Variants in NTNG1 observed in about 807,000 individuals in gnomAD.
NTNG1 encodes netrin-G1.
NTNG1 carries 16 observed loss-of-function variants against 54.0 expected under a neutral mutation model. That is an observed-to-expected ratio of 0.30 (90% CI 0.20 to 0.45). The LOEUF is 0.45. Ranked by LOEUF, NTNG1 falls within the 20% of genes least tolerant of loss-of-function variation. The pLI, the probability that NTNG1 is intolerant of heterozygous loss-of-function variation, is 1.00. For synonymous variants in NTNG1, 255 were observed against 263.1 expected, an observed-to-expected ratio of 0.97 and a Z score of 0.30; for missense variants, 530 against 678.7, an observed-to-expected ratio of 0.78 and a Z score of 2.43.
intron 5 of NTNG1, among the ~76,000 whole-genome samples, chr1:107,413,042 C>T (rs1487331113): frequency 2.0e-5 from 3 of 152,080 alleles, no homozygotes; most frequent in Non-Finnish European, 2.9e-5. Flanking sequence ...GTAGTTGCTG[C>T]GAAGATGGTA....
intron 2 of NTNG1, among the ~76,000 whole-genome samples, chr1:107,323,307 A>C (rs865818794): frequency 2.6e-5 from 4 of 152,132 alleles, no homozygotes; most frequent in Admixed American, 6.6e-5. Flanking sequence ...GTAACTTGTC[A>C]TTTGCCATGG....
At chr1:107,209,885 AG>A (rs1012356563) in intron 2 of NTNG1, among the ~76,000 whole-genome samples, 2 of 76,480 alleles carry the variant, frequency 2.6e-5, no homozygotes, top group African/African-American at 8.5e-5. Flanking sequence ...CTGTCAATAC[AG>A]ACTTCTTTTT....
intron 2 of NTNG1, among the ~76,000 whole-genome samples, chr1:107,196,288 C>A (rs1348660675): frequency 6.6e-6 from 1 of 151,972 alleles, no homozygotes; most frequent in African/African-American, 2.4e-5. Context: ...TTTACCTAGG[C>A]TCTCTGAGCC....
At chr1:107,221,279 C>T (rs1036645184) in intron 2 of NTNG1, among the ~76,000 whole-genome samples, 2 of 152,042 alleles carry the variant, frequency 1.3e-5, no homozygotes, top group African/African-American at 2.4e-5. Flanking sequence ...TGATGGTACA[C>T]AGCAAATTGC....
At chr1:107,438,037 A>G (rs1675718520) in intron 7 of NTNG1, among the ~76,000 whole-genome samples, 1 of 152,180 alleles carries the variant, frequency 6.6e-6, no homozygotes, top group Non-Finnish European at 1.5e-5. Flanking sequence ...TATATTCTAT[A>G]AAATAAATTC....
At chr1:107,394,927 T>C (rs988901487) in intron 3 of NTNG1, among the ~76,000 whole-genome samples, 1 of 152,120 alleles carries the variant, frequency 6.6e-6, no homozygotes, top group African/African-American at 2.4e-5. Flanking sequence ...CTATTCGGCT[T>C]TCTCAATGTA....
At chr1:107,379,398 G>C (rs1303012841) in intron 3 of NTNG1, among the ~76,000 whole-genome samples, 2 of 152,220 alleles carry the variant, frequency 1.3e-5, no homozygotes, top group East Asian at 3.8e-4. Flanking sequence ...GGGATCAACA[G>C]TGGCCTTCAG....
At chr1:107,355,445 C>T (rs375749335) in intron 3 of NTNG1, among the ~76,000 whole-genome samples, 5 of 151,832 alleles carry the variant, frequency 3.3e-5, no homozygotes, top group African/African-American at 7.3e-5. Context: ...TTCTTCTTTA[C>T]GTTACTTAGG....
At chr1:107,271,388 G>T (rs1477243930) in intron 2 of NTNG1, among the ~76,000 whole-genome samples, 3 of 151,922 alleles carry the variant, frequency 2.0e-5, no homozygotes, top group African/African-American at 7.3e-5. Flanking sequence ...ACCTCTTCAG[G>T]CCTTTATTAC....
chr1:107,415,497 A>C (rs1674136218), intron 5 of NTNG1, among the ~76,000 whole-genome samples: 1 of 152,134 alleles, frequency 6.6e-6, no homozygotes, highest in Admixed American at 6.5e-5. Flanking sequence ...TTCCTGTTTT[A>C]CAGATAAGGA....
At chr1:107,420,290 A>G (rs1250279799) in intron 5 of NTNG1, among the ~76,000 whole-genome samples, 2 of 152,110 alleles carry the variant, frequency 1.3e-5, no homozygotes, top group Non-Finnish European at 2.9e-5. Flanking sequence ...AAATGAATCT[A>G]TTGAGAAGCA....
At chr1:107,290,790 CA>C (rs1481501490) in intron 2 of NTNG1, among the ~76,000 whole-genome samples, 17 of 150,838 alleles carry the variant, frequency 1.1e-4, no homozygotes, top group African/African-American at 4.1e-4. Context: ...CCTGTTAATA[CA>C]ATAATAATAA....
At chr1:107,371,175 T>C (rs1250908382) in intron 3 of NTNG1, among the ~76,000 whole-genome samples, 1 of 152,056 alleles carries the variant, frequency 6.6e-6, no homozygotes, top group African/African-American at 2.4e-5. Context: ...CAGAAATGGA[T>C]GTTGAGTTTT....
chr1:107,375,937 A>T (rs576187006), intron 3 of NTNG1, among the ~76,000 whole-genome samples: 4 of 152,186 alleles, frequency 2.6e-5, no homozygotes, highest in Admixed American at 6.5e-5. Context: ...TTTTGGAGAA[A>T]GACAGAGAGT....
chr1:107,466,131 T>C (rs944615390), intron 7 of NTNG1, among the ~76,000 whole-genome samples: 8 of 152,152 alleles, frequency 5.3e-5, no homozygotes, highest in African/African-American at 1.9e-4. Flanking sequence ...TGGGAGGTCC[T>C]GACTACAGTA....
rs529475338 is a variant in NTNG1 at position 107,362,325 on chromosome 1, G to A, written c.888-32829G>A. 7.9e-5 allele frequency among the ~76,000 whole-genome samples: 12 copies of A among 152,288 alleles called. No homozygotes were observed. The East Asian group carries it at 2.3e-3, about 29-fold the overall frequency. On this transcript the variant is annotated intron_variant, in intron 3 of 7. Transcript: ENST00000370068. ...TAGCTGGCAGCTTAGGAGAGTTATG[G>A]AGAAGAGGCTTTTTATTTCCTTTGT...
intron 2 of NTNG1, among the ~76,000 whole-genome samples, chr1:107,295,197 C>T (rs1056452882): frequency 6.6e-6 from 1 of 152,146 alleles, no homozygotes. Context: ...CAAATTATAT[C>T]ACTTGAATAT....
intron 3 of NTNG1, among the ~76,000 whole-genome samples, chr1:107,359,976 G>A (rs1470221436): frequency 1.3e-5 from 2 of 151,998 alleles, no homozygotes; most frequent in Non-Finnish European, 2.9e-5. Context: ...TTATTTGGTC[G>A]ACACAACATT....
intron 2 of NTNG1, among the ~76,000 whole-genome samples, chr1:107,210,765 C>T (rs1226519425): frequency 1.3e-5 from 2 of 152,090 alleles, no homozygotes; most frequent in African/African-American, 2.4e-5. Context: ...AGATTCTAAA[C>T]CTTCCATTTT....
Sources: gnomAD v4.1 joint callset for allele counts (sites outside exome capture counted in the v4.1 genomes callset) on GRCh38, gnomAD v4.1.1 for gene constraint, MANE v1.5 for transcripts, NCBI Gene and HGNC (gene_info 2026-07-23, HGNC 2026-07-21) for gene names.